Variants in SHROOM3 observed in about 807,000 individuals in gnomAD.
SHROOM3 encodes the protein protein Shroom3.
In SHROOM3, 47 loss-of-function variants were observed where a neutral mutation model predicts 138.6. The ratio of observed to expected loss-of-function variants is 0.34; its 90% CI spans 0.27 to 0.43. SHROOM3 has a LOEUF of 0.43. Among genes scored for constraint, SHROOM3 ranks in the 20% least tolerant of loss-of-function variants. SHROOM3 has a pLI of 1.00. For synonymous variants in SHROOM3, 1,062 were observed against 1,063.3 expected (o/e 1.00, Z 0.02); for missense variants, 2,491 against 2,596.5 (o/e 0.96, Z 0.88).
chr4:76,627,871 G>T (rs1304141326), intron 2 of SHROOM3, among the ~76,000 whole-genome samples: 28 of 152,066 alleles, frequency 1.8e-4, no homozygotes, highest in Admixed American at 1.8e-3. Context: ...ATTCACGAAG[G>T]TAATTCAAAA....
intron 2 of SHROOM3, among the ~76,000 whole-genome samples, chr4:76,617,497 G>T (rs1288490095): frequency 1.3e-5 from 2 of 152,148 alleles, no homozygotes; most frequent in African/African-American, 4.8e-5. Flanking sequence ...TGAGACTGAT[G>T]ATACATTAAT....
intron 1 of SHROOM3, among the ~76,000 whole-genome samples, chr4:76,538,125 T>C (rs112627730): frequency 0.068 from 10,322 of 152,194 alleles, 1,186 homozygotes; most frequent in African/African-American, 0.23. Context: ...TCTCGAACTC[T>C]TGACCTCAGG....
At chr4:76,589,517 G>A (rs116209921) in intron 2 of SHROOM3, among the ~76,000 whole-genome samples, 1,622 of 151,874 alleles carry the variant, frequency 0.011, 10 homozygotes, top group Non-Finnish European at 0.016. Context: ...CACTGAAGGA[G>A]GACTTTGCTT....
chr4:76,762,942 C>T (rs1023989640), intron 9 of SHROOM3, among the ~76,000 whole-genome samples: 6 of 151,910 alleles, frequency 3.9e-5, no homozygotes, highest in Non-Finnish European at 5.9e-5. Context: ...AAGAATGTAT[C>T]GGTAGGAGTC....
At chr4:76,744,318 C>A (rs1721360806) in intron 5 of SHROOM3, among the ~76,000 whole-genome samples, 2 of 152,130 alleles carry the variant, frequency 1.3e-5, no homozygotes, top group African/African-American at 4.8e-5. Context: ...TGAAATACTT[C>A]TTTTGTACTG....
chr4:76,646,080 G>A (rs1422801089), intron 2 of SHROOM3, among the ~76,000 whole-genome samples: 2 of 151,882 alleles, frequency 1.3e-5, no homozygotes, highest in African/African-American at 4.8e-5. Flanking sequence ...ACCCGTTGAG[G>A]GAGGGGGAAG....
chr4:76,622,036 G>A (rs1333913453), intron 2 of SHROOM3, among the ~76,000 whole-genome samples: 1 of 151,916 alleles, frequency 6.6e-6, no homozygotes, highest in African/African-American at 2.4e-5. Flanking sequence ...TCACCATGCT[G>A]GGCAGGCTGG....
chr4:76,516,892 T>C (rs1266715387), intron 1 of SHROOM3, among the ~76,000 whole-genome samples: 1 of 152,214 alleles, frequency 6.6e-6, no homozygotes, highest in Non-Finnish European at 1.5e-5. Flanking sequence ...GAGTCTTGCT[T>C]TCAGCCAAGC....
At chr4:76,668,299 A>C (rs1033982900) in intron 2 of SHROOM3, among the ~76,000 whole-genome samples, 4 of 151,990 alleles carry the variant, frequency 2.6e-5, no homozygotes, top group Non-Finnish European at 4.4e-5. Context: ...GGTGGCTCAC[A>C]CCTGTAATTC....
intron 2 of SHROOM3, among the ~76,000 whole-genome samples, chr4:76,690,462 G>C (rs561017613): frequency 1.4e-4 from 22 of 152,300 alleles, no homozygotes; most frequent in African/African-American, 4.8e-4. Context: ...CTGCATGCGG[G>C]TCATCTCCAT....
In SHROOM3 at chr4:76,754,713, T is replaced by C. The variant is rs778735381; in HGVS notation, c.4230T>C (p.His1410=). The change falls in exon 7 of 11, where the codon CAT becomes CAC. Residue 1410 remains histidine (H), a synonymous_variant. Coordinates refer to ENST00000296043, the MANE Select transcript of SHROOM3 (RefSeq NM_020859.4). The stretch of plus-strand genomic sequence containing the variant: ...GCTGTGAGGGCGATGGCCCAGAGCA[T>C]GGGGTAGAAGAGGGAACGAGGAAGA... ...PRGCEGDGPE[H]GVEEGTRKRV... 1.2e-6 allele frequency: 2 copies of C among 1,614,180 alleles called. No homozygotes were observed. Among genetic ancestry groups the C allele is most frequent in the Admixed American group, 3.3e-5 (2 of 60,024 alleles).
At chr4:76,689,532 C>T in intron 2 of SHROOM3, 1 of 983,878 alleles carries the variant, frequency 1.0e-6, no homozygotes, top group Non-Finnish European at 1.2e-6. Flanking sequence ...GTAGCCGCGG[C>T]GCGGTGGCGC....
intron 2 of SHROOM3, among the ~76,000 whole-genome samples, chr4:76,683,888 G>T (rs1159661123): frequency 1.3e-5 from 2 of 152,142 alleles, no homozygotes; most frequent in Non-Finnish European, 2.9e-5. Context: ...TAAAACAAAT[G>T]ATAAATTTTT....
At chr4:76,686,013 CAT>C (rs148842183) in intron 2 of SHROOM3, among the ~76,000 whole-genome samples, 101,921 of 151,568 alleles carry the variant, frequency 0.67, 35,351 homozygotes, top group East Asian at 0.94. Context: ...TAATGATAGC[CAT>C]TTTTTTTTTA....
chr4:76,515,140 A>G (rs1732418468), intron 1 of SHROOM3, among the ~76,000 whole-genome samples: 1 of 151,682 alleles, frequency 6.6e-6, no homozygotes, highest in African/African-American at 2.4e-5. Context: ...GCTTGAACCC[A>G]AGAGGTAGAA....
At chr4:76,463,061 G>A (rs1235847062) in intron 1 of SHROOM3, among the ~76,000 whole-genome samples, 1 of 152,202 alleles carries the variant, frequency 6.6e-6, no homozygotes, top group Non-Finnish European at 1.5e-5. Context: ...AGTTTTTAGG[G>A]CTCAAAAGAT....
intron 9 of SHROOM3, among the ~76,000 whole-genome samples, chr4:76,763,797 C>CACTT (rs920808473): frequency 2.6e-5 from 4 of 152,152 alleles, no homozygotes; most frequent in African/African-American, 9.7e-5. Context: ...TCATTGGTAT[C>CACTT]ACTTACATTT....
At chr4:76,618,984 A>G (rs985686098) in intron 2 of SHROOM3, among the ~76,000 whole-genome samples, 1 of 152,052 alleles carries the variant, frequency 6.6e-6, no homozygotes, top group Admixed American at 6.5e-5. Context: ...AGTAGCTGGG[A>G]TAATAGGCAC....
At chr4:76,481,879 C>T (rs1286594612) in intron 1 of SHROOM3, among the ~76,000 whole-genome samples, 3 of 152,072 alleles carry the variant, frequency 2.0e-5, no homozygotes, top group Non-Finnish European at 4.4e-5. Flanking sequence ...TAGTCCATCA[C>T]GGAAACAGAA....
Sources: gnomAD v4.1 joint callset for allele counts (sites outside exome capture counted in the v4.1 genomes callset) on GRCh38, gnomAD v4.1.1 for gene constraint, MANE v1.5 for transcripts, NCBI Gene and HGNC (gene_info 2026-07-23, HGNC 2026-07-21) for gene names.